The following ATP8A2 variants were observed in gnomAD, a reference collection of about 807,000 sequenced individuals.
The protein encoded by ATP8A2 is phospholipid-transporting ATPase IB.
ATP8A2 carries 100 observed loss-of-function variants against 165.6 expected under a neutral mutation model. The observed-to-expected ratio is 0.60, with a 90% CI of 0.51 to 0.71. The LOEUF is 0.71. Among genes scored for constraint, ATP8A2 ranks in the 30% least tolerant of loss-of-function variants. The pLI is 0.00. For synonymous variants in ATP8A2, 543 were observed against 548.8 expected (o/e 0.99, Z 0.15); for missense variants, 1,227 against 1,479.5 (o/e 0.83, Z 2.80).
At position 25,534,159 on chromosome 13, in the gene ATP8A2, G is replaced by A. The variant is rs76808213; in HGVS notation, c.507+846G>A. 470 of 531,440 alleles carry A rather than the reference G, an allele frequency of 8.8e-4. 5 individuals are homozygous for A. The highest frequency in any genetic ancestry group is 7.6e-3 in the African/African-American group (397 of 52,034). 32.9% of individuals were successfully genotyped at this position (531,440 alleles called of 1,614,324 possible). Reference sequence around the variant, plus strand: ...AACTGCAGCATTTGCTTTAGTTTTCGTTTTACTTTACTTTGTTTTAGGAGA... The same window carrying A: ...AACTGCAGCATTTGCTTTAGTTTTCATTTTACTTTACTTTGTTTTAGGAGA... On this transcript the variant is annotated intron_variant, in intron 6 of 36. Transcript: ENST00000381655.
Position 25,372,309 on chromosome 13 carries a change from C to A in ATP8A2, c.76+21C>A, listed in dbSNP as rs1029120882. ...CGTGGGTGAGCTGGGAGGGGCGCGG[C>A]GAGGGAGGGTGGGCCCGGGGCGGGG... is the stretch of plus-strand genomic sequence containing the variant. On this transcript the variant is annotated intron_variant, in intron 1 of 36. Coordinates refer to ENST00000381655, the MANE Select transcript of ATP8A2 (RefSeq NM_016529.6). This position sits in a 1 kb window ranked among gnomAD's most constrained non-coding sequence, Gnocchi z 4.8. The A allele has an allele frequency of 7.4e-6, 7 of 949,320 alleles. No homozygotes were observed. The highest frequency in any genetic ancestry group is 1.8e-5 in the African/African-American group (1 of 56,924). 58.8% of individuals were successfully genotyped at this position (949,320 alleles called of 1,614,324 possible).
At position 25,430,874 on chromosome 13, in the gene ATP8A2, A is replaced by G. The variant is rs572084048; in HGVS notation, c.77-38103A>G. On this transcript the variant is annotated intron_variant, in intron 1 of 36. Coordinates refer to ENST00000381655, the MANE Select transcript of ATP8A2 (RefSeq NM_016529.6). ...CGGCCTCCCAAAGTGCTGGGATTAT[A>G]GGCATGTGCCACCACACCCTGCCAA... Among the ~76,000 whole-genome samples, 6 of 152,276 alleles carry G rather than the reference A, an allele frequency of 3.9e-5. No individual in the cohort carries two copies. The South Asian group carries it at 1.2e-3, about 32-fold the overall frequency.
At position 25,764,033 on chromosome 13, in the gene ATP8A2, CTA is replaced by C. The variant is rs562195179; in HGVS notation, c.2385-5011_2385-5010del. ...AAGATGTTATATTTTATTTAAATAA[CTA>C]TTTCAATAAGAAAATCCTTTTCATA... On this transcript the variant is annotated intron_variant, in intron 25 of 36. Coordinates refer to ENST00000381655, the MANE Select transcript of ATP8A2 (RefSeq NM_016529.6). 6.5e-3 allele frequency among the ~76,000 whole-genome samples: 992 copies of C among 152,248 alleles called. 13 individuals are homozygous for C. Among genetic ancestry groups the C allele is most frequent in the African/African-American group, 0.022 (932 of 41,550 alleles).
intron 35 of ATP8A2, among the ~76,000 whole-genome samples, chr13:25,983,739 G>A (rs189690307): frequency 9.2e-5 from 14 of 152,268 alleles, no homozygotes; most frequent in Admixed American, 3.9e-4. Context: ...AAACCCTTGC[G>A]ATTTGCCAGA....
chr13:25,416,609 C>T (rs2034138882), intron 1 of ATP8A2, among the ~76,000 whole-genome samples: 1 of 152,148 alleles, frequency 6.6e-6, no homozygotes, highest in Non-Finnish European at 1.5e-5. Context: ...TATTTATCTC[C>T]TTTACACAGA....
chr13:25,902,210 G>A (rs751059958), intron 33 of ATP8A2, among the ~76,000 whole-genome samples: 5 of 152,178 alleles, frequency 3.3e-5, no homozygotes, highest in Non-Finnish European at 5.9e-5. Context: ...ATTTCAAAAA[G>A]CAAATGCAAT....
chr13:25,456,264 C>A (rs1030257691), intron 1 of ATP8A2, among the ~76,000 whole-genome samples: 2 of 152,220 alleles, frequency 1.3e-5, no homozygotes. Context: ...CTCTGAACAT[C>A]CATAGCTCTC....
At position 25,882,929 on chromosome 13, in the gene ATP8A2, ATGATGATGATGGTGATGG is replaced by A. The variant is rs1953026484; in HGVS notation, c.3183+20530_3183+20547del. ...GATGATGATGATGATGATGATGATGATGATGATGATGGTGATGGTGATGATGGTGATGGTGATGATGAT... is the reference window on the plus strand; with the variant it reads ...GATGATGATGATGATGATGATGATGATGATGATGGTGATGGTGATGATGAT... On this transcript the variant is annotated intron_variant, in intron 33 of 36. Transcript: ENST00000381655. Among the ~76,000 whole-genome samples, 4 of 150,592 alleles carry A rather than the reference ATGATGATGATGGTGATGG, an allele frequency of 2.7e-5. No homozygotes were observed. The South Asian group carries it at 8.4e-4, about 32-fold the overall frequency.
chr13:25,886,625 G>A (rs1171376510), intron 33 of ATP8A2, among the ~76,000 whole-genome samples: 2 of 152,216 alleles, frequency 1.3e-5, no homozygotes, highest in Non-Finnish European at 2.9e-5. Flanking sequence ...CTGAGAGCGC[G>A]GCTTCGTGGG....
intron 25 of ATP8A2, among the ~76,000 whole-genome samples, chr13:25,706,299 G>T (rs189047656): frequency 2.0e-4 from 30 of 152,202 alleles, no homozygotes; most frequent in Admixed American, 7.2e-4. Flanking sequence ...TAACACACTG[G>T]CAGTGTATCA....
intron 30 of ATP8A2, among the ~76,000 whole-genome samples, chr13:25,853,389 TA>T (rs58660867): frequency 8.3e-5 from 6 of 72,298 alleles, no homozygotes; most frequent in South Asian, 9.7e-4. Flanking sequence ...AGACTCTATC[TA>T]AAAAAAATAT....
intron 33 of ATP8A2, among the ~76,000 whole-genome samples, chr13:25,928,029 T>C (rs1358944643): frequency 6.6e-6 from 1 of 152,210 alleles, no homozygotes; most frequent in Non-Finnish European, 1.5e-5. Context: ...AAAATAAACA[T>C]CCTAGACTAT....
At chr13:25,601,080 T>C (rs938551497) in intron 24 of ATP8A2, among the ~76,000 whole-genome samples, 5 of 152,230 alleles carry the variant, frequency 3.3e-5, no homozygotes, top group Admixed American at 1.3e-4. Flanking sequence ...GTTATTCTCA[T>C]GACAAAGAAC....
intron 1 of ATP8A2, among the ~76,000 whole-genome samples, chr13:25,464,908 G>A (rs1175854037): frequency 6.6e-6 from 1 of 152,210 alleles, no homozygotes. Context: ...CAAAGTCTCT[G>A]CCCTCACGGC....
At chr13:25,983,755 A>G (rs1956217825) in intron 35 of ATP8A2, among the ~76,000 whole-genome samples, 1 of 152,210 alleles carries the variant, frequency 6.6e-6, no homozygotes, top group African/African-American at 2.4e-5. Context: ...CCAGAGGTCA[A>G]GCTGAGCATT....
At chr13:25,420,104 C>T (rs549913106) in intron 1 of ATP8A2, among the ~76,000 whole-genome samples, 1 of 152,262 alleles carries the variant, frequency 6.6e-6, no homozygotes, top group Admixed American at 6.5e-5. Context: ...ACAGACTCAG[C>T]GTTCAGACTT....
At chr13:25,413,713 T>C (rs1339113583) in intron 1 of ATP8A2, among the ~76,000 whole-genome samples, 1 of 152,052 alleles carries the variant, frequency 6.6e-6, no homozygotes, top group Non-Finnish European at 1.5e-5. Flanking sequence ...GCCAGAAGGG[T>C]AAGTTACCAG....
chr13:25,837,744 G>A (rs915732161), intron 29 of ATP8A2, among the ~76,000 whole-genome samples: 5 of 152,050 alleles, frequency 3.3e-5, no homozygotes, highest in South Asian at 2.1e-4. Flanking sequence ...TAGCTAGTGC[G>A]TAAAATTGAC....
intron 15 of ATP8A2, among the ~76,000 whole-genome samples, chr13:25,561,048 A>G (rs943624557): frequency 1.4e-4 from 21 of 151,894 alleles, no homozygotes; most frequent in South Asian, 2.1e-4. Flanking sequence ...CACCACACCC[A>G]GCTAATTTTT....
Sources: gnomAD v4.1 joint callset for allele counts (sites outside exome capture counted in the v4.1 genomes callset) on GRCh38, gnomAD v4.1.1 for gene constraint, Gnocchi (gnomAD v3.1) non-coding constraint, MANE v1.5 for transcripts, NCBI Gene and HGNC (gene_info 2026-07-23, HGNC 2026-07-21) for gene names.